The following OPRM1 variants were observed in gnomAD, a reference collection of about 807,000 sequenced individuals.
The protein encoded by OPRM1 is opioid receptor mu 1, also known as mu-type opioid receptor.
Under a neutral mutation model 31.8 loss-of-function variants are expected in OPRM1, and 27 were observed. That is an observed-to-expected ratio of 0.85 (90% CI 0.63 to 1.17). The LOEUF (loss-of-function observed/expected upper bound fraction) is 1.17, where lower values mean the gene tolerates loss of function less well. Among genes scored for constraint, OPRM1 ranks in the 50% most tolerant of loss-of-function variants. The pLI, the probability that OPRM1 is intolerant of heterozygous loss-of-function variation, is 0.00. For missense variants in OPRM1, 536 were observed against 511.1 expected (o/e 1.05, Z -0.47); for synonymous variants, 196 against 189.9 (o/e 1.03, Z -0.26).
Position 154,020,505 on chromosome 6 carries a change from A to T in OPRM1, c.-1+9487A>T, listed in dbSNP as rs558828183. 1.6e-3 allele frequency among the ~76,000 whole-genome samples: 239 copies of T among 152,356 alleles called. 1 individual carries two copies. The highest frequency in any genetic ancestry group is 5.5e-3 in the African/African-American group (227 of 41,576). ...AATTCTGGAAAGATAATTTAAAAAA[A>T]ATTTTAAAGACATTTACTTACATTT... On this transcript the variant is annotated intron_variant, in intron 1 of 5. Coordinates refer to the OPRM1 transcript ENST00000434900.
At chr6:154,083,697 C>A (rs1197641483) in intron 1 of OPRM1, 1 of 152,452 alleles carries the variant, frequency 6.6e-6, no homozygotes, top group African/African-American at 2.4e-5. Flanking sequence ...AATCCTGGCA[C>A]TTTGGGAGGC....
chr6:154,032,395 A>ATTGTT (rs1448665351), intron 1 of OPRM1, among the ~76,000 whole-genome samples: 1 of 152,194 alleles, frequency 6.6e-6, no homozygotes, highest in Non-Finnish European at 1.5e-5. Flanking sequence ...TGTGATTTAA[A>ATTGTT]CAAGATTTTA....
chr6:154,091,355 CAG>C lies in OPRM1; in HGVS notation c.1052_1053del (p.Glu351ValfsTer10). ...TGGATGAAAACTTCAAACGATGCTT[CAG>C]AGAGTTCTGTATCCCAACCTCTTCC... ...FLDENFKRCF[R>X]EFCIPTSSNI... On this transcript the variant is annotated frameshift_variant, in exon 3 of 4. Coordinates refer to ENST00000330432, the MANE Select transcript of OPRM1 (RefSeq NM_000914.5). LOFTEE classifies it high-confidence loss of function. The C allele has an allele frequency of 6.2e-7, 1 of 1,614,192 alleles. No homozygotes were observed. Among genetic ancestry groups the C allele is most frequent in the Non-Finnish European group, 8.5e-7 (1 of 1,180,036 alleles).
intron 1 of OPRM1, chr6:154,046,839 T>G (rs1362497887): frequency 3.3e-5 from 5 of 152,194 alleles, no homozygotes; most frequent in Non-Finnish European, 5.9e-5. Context: ...TAAAAAAATC[T>G]TAAACGCTTT....
intron 3 of OPRM1, among the ~76,000 whole-genome samples, chr6:154,101,331 G>C (rs1200480719): frequency 6.6e-6 from 1 of 151,934 alleles, no homozygotes; most frequent in Non-Finnish European, 1.5e-5. Flanking sequence ...CATTAAATAT[G>C]GGCTCATTCA....
At chr6:154,140,612 G>C (rs570329842) in intron 3 of OPRM1, among the ~76,000 whole-genome samples, 3 of 152,182 alleles carry the variant, frequency 2.0e-5, no homozygotes, top group Non-Finnish European at 4.4e-5. Context: ...TTACAGGTGT[G>C]AGCAGCCCCG....
At chr6:154,019,137 A>G (rs1050517503) in intron 1 of OPRM1, among the ~76,000 whole-genome samples, 1 of 151,256 alleles carries the variant, frequency 6.6e-6, no homozygotes, top group African/African-American at 2.4e-5. Context: ...TAGTAATTTT[A>G]AAATGTACAC....
In OPRM1 at chr6:154,126,860, C is replaced by T. The variant is rs1204498012; in HGVS notation, c.*8139C>T. On this transcript the variant is annotated 3_prime_UTR_variant, in exon 4 of 4. Transcript: ENST00000330432. ...GGCGCGGTGGCTCACGCCTGTAATT[C>T]CAGCACTTTGGGAGGCCGAGGCGGG... 6.6e-6 allele frequency among the ~76,000 whole-genome samples: 1 copy of T among 152,162 alleles called. No individual in the cohort carries two copies. Among genetic ancestry groups the T allele is most frequent in the Admixed American group, 6.5e-5 (1 of 15,276 alleles).
intron 3 of OPRM1, among the ~76,000 whole-genome samples, chr6:154,191,711 A>AC (rs1218923654): frequency 6.7e-6 from 1 of 149,750 alleles, no homozygotes; most frequent in Non-Finnish European, 1.5e-5. Flanking sequence ...AACAACAACA[A>AC]AGAGTGAACC....
chr6:154,072,895 G>C (rs764761050), intron 1 of OPRM1, among the ~76,000 whole-genome samples: 7 of 152,202 alleles, frequency 4.6e-5, no homozygotes, highest in Non-Finnish European at 7.3e-5. Context: ...TCTGCACACG[G>C]ATACCAGCCC....
chr6:154,236,442 C>A (rs965785755), intron 3 of OPRM1, among the ~76,000 whole-genome samples: 2 of 152,118 alleles, frequency 1.3e-5, no homozygotes, highest in Non-Finnish European at 2.9e-5. Context: ...CTCAGTTTTG[C>A]AAGACGAAAA....
chr6:154,245,908 A>C (rs1780996931), intron 3 of OPRM1, among the ~76,000 whole-genome samples: 1 of 152,232 alleles, frequency 6.6e-6, no homozygotes, highest in Non-Finnish European at 1.5e-5. Flanking sequence ...CCATTTTCAA[A>C]AGAAAACTAG....
intron 3 of OPRM1, among the ~76,000 whole-genome samples, chr6:154,163,588 C>T (rs985723643): frequency 2.6e-5 from 4 of 152,112 alleles, no homozygotes; most frequent in African/African-American, 9.7e-5. Flanking sequence ...ATCTGACATG[C>T]CCAGTGCTAT....
chr6:154,159,908 G>A (rs1798866927), intron 3 of OPRM1: 2 of 1,613,774 alleles, frequency 1.2e-6, no homozygotes, highest in African/African-American at 1.3e-5. Context: ...TCAGGGGCAG[G>A]CGAAGCCCGC....
intron 3 of OPRM1, among the ~76,000 whole-genome samples, chr6:154,235,541 A>AT (rs1167768564): frequency 6.7e-6 from 1 of 149,138 alleles, no homozygotes; most frequent in East Asian, 2.4e-4. Flanking sequence ...CAAAAAAAAA[A>AT]AAAAAAAAAA....
intron 1 of OPRM1, among the ~76,000 whole-genome samples, chr6:154,033,899 G>A (rs568975181): frequency 4.3e-4 from 66 of 152,212 alleles, no homozygotes; most frequent in South Asian, 2.3e-3. Context: ...CACAAATGAG[G>A]CATAAGCAAT....
intron 2 of OPRM1, among the ~76,000 whole-genome samples, chr6:154,090,684 G>A (rs1791907078): frequency 6.6e-6 from 1 of 152,196 alleles, no homozygotes; most frequent in African/African-American, 2.4e-5. Context: ...TCTAGCTCAT[G>A]TTGAGAGGTT....
At chr6:154,178,654 T>C (rs750313720) in intron 3 of OPRM1, among the ~76,000 whole-genome samples, 42 of 152,176 alleles carry the variant, frequency 2.8e-4, no homozygotes, top group Admixed American at 5.9e-4. Flanking sequence ...GAAAACAGAA[T>C]TCACCTAAAA....
chr6:154,086,847 A>G (rs1310446458), intron 1 of OPRM1: 1 of 985,170 alleles, frequency 1.0e-6, no homozygotes, highest in Non-Finnish European at 1.2e-6. Context: ...AATCTAGCAA[A>G]AGTTATTTTC....
Sources: allele counts gnomAD v4.1 joint callset (sites outside exome capture counted in the v4.1 genomes callset), GRCh38; gene constraint gnomAD v4.1.1; transcripts MANE v1.5; gene names NCBI Gene and HGNC (gene_info 2026-07-23, HGNC 2026-07-21).